The following COBLL1 variants were observed in gnomAD, a reference collection of about 807,000 sequenced individuals.
COBLL1 encodes cordon-bleu protein-like 1.
COBLL1 carries 50 observed loss-of-function variants against 94.8 expected under a neutral mutation model. That is an observed-to-expected ratio of 0.53 (90% CI 0.42 to 0.67). COBLL1 has a LOEUF of 0.67. COBLL1 is among the 30% of genes least tolerant of loss of function. The pLI, the probability that COBLL1 is intolerant of heterozygous loss-of-function variation, is 0.00. For synonymous variants in COBLL1, 448 were observed against 473.8 expected, an observed-to-expected ratio of 0.95 and a Z score of 0.71; for missense variants, 1,362 against 1,348.7, an observed-to-expected ratio of 1.01 and a Z score of -0.15.
chr2:164,805,329 C>CTATA (rs1412509415), intron 2 of COBLL1, among the ~76,000 whole-genome samples: 214 of 22,576 alleles, frequency 9.5e-3, no homozygotes, highest in Non-Finnish European at 0.012. Context: ...CTCTCTCTCT[C>CTATA]TCTCTCTCTA....
intron 2 of COBLL1, among the ~76,000 whole-genome samples, chr2:164,815,567 C>T (rs1684689070): frequency 6.6e-6 from 1 of 152,086 alleles, no homozygotes; most frequent in South Asian, 2.1e-4. Context: ...GCCTAGTTTC[C>T]TCCTGTATAA....
At chr2:164,669,032 C>T (rs181046237) in intron 1 of COBLL1, among the ~76,000 whole-genome samples, 227 of 152,298 alleles carry the variant, frequency 1.5e-3, no homozygotes, top group Non-Finnish European at 2.4e-3. Flanking sequence ...TTTATCCTGT[C>T]CTTAGCAATA....
chr2:164,792,252 C>G (rs1172688712), intron 2 of COBLL1, among the ~76,000 whole-genome samples: 2 of 152,186 alleles, frequency 1.3e-5, no homozygotes, highest in South Asian at 2.1e-4. Context: ...CCTCAGCCCC[C>G]CTTGTAGCTG....
At position 164,730,034 on chromosome 2, in the gene COBLL1, T is replaced by A. The variant is rs1386096864; in HGVS notation, c.312A>T (p.Ser104=). 2.5e-6 allele frequency: 4 copies of A among 1,614,028 alleles called. No homozygotes were observed. The East Asian group carries it at 8.9e-5, about 36-fold the overall frequency. Residue 104 remains serine (S), a synonymous_variant, in exon 4 of 14, where the codon TCA becomes TCT. Coordinates refer to ENST00000652658, the MANE Select transcript of COBLL1 (RefSeq NM_001365672.2). Reference sequence around the variant, plus strand: ...TAAATTTAATGTGGTTCTGTTCAGCTGACAACAGATCGATTGTGTAACTTG... The same window carrying A: ...TAAATTTAATGTGGTTCTGTTCAGCAGACAACAGATCGATTGTGTAACTTG... The part of the protein sequence containing the change: ...NPSSYTIDLL[S]AEQNHIKFKP...
chr2:164,798,391 T>C (rs532652443), intron 2 of COBLL1, among the ~76,000 whole-genome samples: 3 of 152,380 alleles, frequency 2.0e-5, no homozygotes, highest in East Asian at 1.9e-4. Context: ...AACCTAGTTA[T>C]GTAGATACAA....
rs775234269 is a variant in COBLL1 at position 164,694,603 on chromosome 2, A to G, written c.2789T>C (p.Leu930Pro). Residue 930 changes from leucine (L) to proline (P), a missense_variant, in exon 12 of 14, where the codon CTT becomes CCT. Physicochemically the swap from Leu to Pro is moderately conservative, Grantham distance 98. Coordinates refer to ENST00000652658, the MANE Select transcript of COBLL1 (RefSeq NM_001365672.2). ...SKMPHSVPQP[L>P]VEKTDDDVIG... ...GACATCATCATCAGTTTTTTCAACA[A>G]GGGGTTGTGGAACAGAGTGAGGCAT... is the stretch of plus-strand genomic sequence containing the variant. 8.7e-6 allele frequency: 14 copies of G among 1,613,918 alleles called. No individual in the cohort carries two copies. The South Asian group carries it at 1.5e-4, about 18-fold the overall frequency.
At chr2:164,734,990 G>A (rs202234486) in intron 3 of COBLL1, among the ~76,000 whole-genome samples, 3 of 152,166 alleles carry the variant, frequency 2.0e-5, no homozygotes, top group African/African-American at 7.2e-5. Context: ...TTTACAATGA[G>A]ATTATAAAGG....
intron 2 of COBLL1, among the ~76,000 whole-genome samples, chr2:164,839,292 C>A (rs1445946527): frequency 6.6e-6 from 1 of 152,164 alleles, no homozygotes; most frequent in Non-Finnish European, 1.5e-5. Context: ...ATCAGTTTAA[C>A]CTTTAAATTC....
chr2:164,803,531 C>T (rs1447261118), intron 2 of COBLL1, among the ~76,000 whole-genome samples: 2 of 150,482 alleles, frequency 1.3e-5, no homozygotes, highest in Admixed American at 1.3e-4. Context: ...CGCCACTGCA[C>T]TCCAGCCTGG....
Position 164,834,672 on chromosome 2 carries a change from A to G in COBLL1, c.41+6484T>C, listed in dbSNP as rs73968286. 2.8e-3 allele frequency among the ~76,000 whole-genome samples: 423 copies of G among 152,334 alleles called. 4 individuals carry two copies. The highest frequency in any genetic ancestry group is 9.7e-3 in the African/African-American group (402 of 41,580). ...AAATATTTTTAGCTTTGCAGGCCAT[A>G]TGGTCTTTATCTGGACTACTCAACT... On this transcript the variant is annotated intron_variant, in intron 2 of 13. Coordinates refer to ENST00000652658, the MANE Select transcript of COBLL1 (RefSeq NM_001365672.2).
intron 2 of COBLL1, among the ~76,000 whole-genome samples, chr2:164,662,221 G>C (rs1211113410): frequency 5.3e-5 from 8 of 152,184 alleles, no homozygotes; most frequent in Non-Finnish European, 8.8e-5. Flanking sequence ...CCAGCAGCCA[G>C]ATATTCCTTA....
chr2:164,665,137 C>T (rs1209168625), intron 2 of COBLL1, among the ~76,000 whole-genome samples: 1 of 152,094 alleles, frequency 6.6e-6, no homozygotes, highest in Non-Finnish European at 1.5e-5. Flanking sequence ...TTGAGACCAG[C>T]CTGGCCAACA....
intron 9 of COBLL1, chr2:164,703,066 G>T: frequency 1.6e-6 from 2 of 1,235,812 alleles, no homozygotes; most frequent in Non-Finnish European, 2.4e-6. Flanking sequence ...TAACCTGCCT[G>T]ACACAAAGCA....
chr2:164,695,620 A>C lies in COBLL1; in HGVS notation c.1772T>G (p.Leu591Arg). ...LAASSVPDQK[L>R]NQPSAEKTKD... ...TGTCTTTTCTGCACTGGGTTGATTCAGTTTTTGATCTGGTACTGATGAAGC... is the reference window on the plus strand; with the variant it reads ...TGTCTTTTCTGCACTGGGTTGATTCCGTTTTTGATCTGGTACTGATGAAGC... The change falls in exon 12 of 14, where the codon CTG (leucine) becomes CGG (arginine). Residue 591 changes from leucine to arginine, a missense_variant. Leu to Arg is a moderately radical substitution (Grantham distance 102). Transcript: ENST00000652658. The C allele has an allele frequency of 6.2e-7, 1 of 1,613,840 alleles. No individual in the cohort carries two copies. The highest frequency in any genetic ancestry group is 8.5e-7 in the Non-Finnish European group (1 of 1,179,878).
At chr2:164,780,799 G>A (rs1688691253) in intron 2 of COBLL1, among the ~76,000 whole-genome samples, 1 of 152,174 alleles carries the variant, frequency 6.6e-6, no homozygotes, top group Non-Finnish European at 1.5e-5. Context: ...ACAAGGCAGG[G>A]TAGGCGACAG....
intron 9 of COBLL1, among the ~76,000 whole-genome samples, chr2:164,702,149 G>A (rs1379055182): frequency 6.6e-6 from 1 of 151,914 alleles, no homozygotes; most frequent in African/African-American, 2.4e-5. Context: ...TAAAATTTAG[G>A]TTTAAGTGAA....
intron 6 of COBLL1, 27 bp from the exon 7 acceptor site, chr2:164,722,338 C>T (rs748399519): frequency 6.3e-7 from 1 of 1,580,468 alleles, no homozygotes; most frequent in South Asian, 1.1e-5. Flanking sequence ...AAGACAAAAT[C>T]TAGTAATTTC....
chr2:164,757,867 A>C (rs1250385966), intron 2 of COBLL1, among the ~76,000 whole-genome samples: 1 of 151,802 alleles, frequency 6.6e-6, no homozygotes, highest in African/African-American at 2.4e-5. Flanking sequence ...CCCATAAATA[A>C]GAAATTTCAG....
downstream of COBLL1, among the ~76,000 whole-genome samples, chr2:164,678,383 A>T (rs1441880232): frequency 2.6e-5 from 4 of 152,154 alleles, no homozygotes; most frequent in Admixed American, 2.6e-4. Context: ...CAGTTAAAAA[A>T]TTTGACTATT....
Sources: gnomAD v4.1 joint callset for allele counts (sites outside exome capture counted in the v4.1 genomes callset) on GRCh38, gnomAD v4.1.1 for gene constraint, MANE v1.5 for transcripts, NCBI Gene and HGNC (gene_info 2026-07-23, HGNC 2026-07-21) for gene names.